SLC9A9: variants seen among roughly 807,000 people sequenced by gnomAD.
SLC9A9 encodes the protein sodium/hydrogen exchanger 9.
SLC9A9 carries 62 observed loss-of-function variants against 77.8 expected under a neutral mutation model. The ratio of observed to expected loss-of-function variants is 0.80; its 90% CI spans 0.65 to 0.98. SLC9A9 has a LOEUF of 0.98. SLC9A9 is among the 50% of genes least tolerant of loss of function. SLC9A9 has a pLI of 0.00. For synonymous variants in SLC9A9, 320 were observed against 283.5 expected (o/e 1.13, Z -1.29); for missense variants, 775 against 774.9 (o/e 1.00, Z 0.00).
At chr3:143,754,412 C>T (rs934663653) in intron 4 of SLC9A9, among the ~76,000 whole-genome samples, 1 of 152,114 alleles carries the variant, frequency 6.6e-6, no homozygotes, top group Admixed American at 6.5e-5. Flanking sequence ...TATGGTTTTC[C>T]TTTTCAAGCT....
At chr3:143,818,212 A>G (rs2009071344) in intron 2 of SLC9A9, among the ~76,000 whole-genome samples, 1 of 152,244 alleles carries the variant, frequency 6.6e-6, no homozygotes. Flanking sequence ...TGAAAATCAC[A>G]TATATTTTTT....
chr3:143,406,190 T>G (rs796225052), intron 12 of SLC9A9, among the ~76,000 whole-genome samples: 5 of 152,348 alleles, frequency 3.3e-5, no homozygotes, highest in African/African-American at 1.2e-4. Flanking sequence ...GTAGTTCTAC[T>G]TGTAAGTAAG....
chr3:143,681,440 A>G (rs1374774132), intron 5 of SLC9A9, among the ~76,000 whole-genome samples: 1 of 152,028 alleles, frequency 6.6e-6, no homozygotes, highest in Admixed American at 6.6e-5. Context: ...ATATTGTACC[A>G]CTCTCACTTT....
At position 143,848,395 on chromosome 3, in the gene SLC9A9, G is replaced by A; in HGVS notation, c.-73C>T. The A allele has an allele frequency of 6.3e-7, 1 of 1,594,602 alleles. No homozygotes were observed. The highest frequency in any genetic ancestry group is 8.6e-7 in the Non-Finnish European group (1 of 1,163,458). Reference sequence around the variant, plus strand: ...ATTTTATCAAGATTTGCCTAAGACAGTCTGACTGCCTGAGAATTTCAGAAG... The same window carrying A: ...ATTTTATCAAGATTTGCCTAAGACAATCTGACTGCCTGAGAATTTCAGAAG... On this transcript the variant is annotated 5_prime_UTR_variant, in exon 1 of 16. Coordinates refer to ENST00000316549, the MANE Select transcript of SLC9A9 (RefSeq NM_173653.4).
At position 143,281,295 on chromosome 3, in the gene SLC9A9, G is replaced by T. The variant is rs1198624528; in HGVS notation, c.1605-12315C>A. ...AGCCTTTGAGAGAAAATAAAACTTT[G>T]CTTGATGAGCCACTAAGAGTTTAGA... On this transcript the variant is annotated intron_variant, in intron 14 of 15. Transcript: ENST00000316549. 3.3e-5 allele frequency among the ~76,000 whole-genome samples: 5 copies of T among 152,234 alleles called. No individual in the cohort carries two copies. In the East Asian group the frequency reaches 9.6e-4, roughly 29 times the overall value.
intron 9 of SLC9A9, among the ~76,000 whole-genome samples, chr3:143,532,572 C>T (rs774463756): frequency 6.6e-6 from 1 of 152,016 alleles, no homozygotes; most frequent in Non-Finnish European, 1.5e-5. Flanking sequence ...TTTTGTACCA[C>T]GAATTTTTAT....
chr3:143,835,388 C>T (rs2009543302), intron 1 of SLC9A9, among the ~76,000 whole-genome samples: 1 of 152,224 alleles, frequency 6.6e-6, no homozygotes, highest in Non-Finnish European at 1.5e-5. Context: ...CCTCCTAACA[C>T]ATCTGGTTAA....
At chr3:143,606,424 C>CTA (rs1344107238) in intron 6 of SLC9A9, among the ~76,000 whole-genome samples, 1 of 74,616 alleles carries the variant, frequency 1.3e-5, no homozygotes, top group African/African-American at 5.0e-5. Flanking sequence ...CTCTCTCTCT[C>CTA]TCTCTCTCTC....
chr3:143,569,730 T>C (rs530621724), intron 8 of SLC9A9, among the ~76,000 whole-genome samples: 1 of 151,836 alleles, frequency 6.6e-6, no homozygotes, highest in East Asian at 1.9e-4. Flanking sequence ...AAACAGAACA[T>C]AGTTAAAAGG....
chr3:143,316,704 A>G (rs2031226926), intron 14 of SLC9A9, among the ~76,000 whole-genome samples: 1 of 152,148 alleles, frequency 6.6e-6, no homozygotes, highest in South Asian at 2.1e-4. Context: ...CAAAAATACA[A>G]CTCTGGGGAA....
chr3:143,479,276 G>T (rs991664505), intron 11 of SLC9A9, among the ~76,000 whole-genome samples: 1 of 152,086 alleles, frequency 6.6e-6, no homozygotes, highest in Admixed American at 6.5e-5. Context: ...TAGAGACAGG[G>T]TCTCACTCTT....
intron 4 of SLC9A9, among the ~76,000 whole-genome samples, chr3:143,733,621 A>G (rs1461721483): frequency 1.3e-5 from 2 of 152,034 alleles, no homozygotes; most frequent in Non-Finnish European, 2.9e-5. Context: ...AACTTTTCCC[A>G]TACACCCTGG....
At chr3:143,411,576 G>A (rs1054871267) in intron 12 of SLC9A9, among the ~76,000 whole-genome samples, 2 of 152,072 alleles carry the variant, frequency 1.3e-5, no homozygotes, top group Non-Finnish European at 2.9e-5. Flanking sequence ...ACAATTTGTC[G>A]ACTGAATTTA....
intron 6 of SLC9A9, among the ~76,000 whole-genome samples, chr3:143,634,147 C>CTTTTTTTTTCTTTTTTTTTTTTTTTT: frequency 6.7e-6 from 1 of 149,338 alleles, no homozygotes; most frequent in African/African-American, 2.6e-5. Context: ...ATAATCCTTT[C>CTTTTTTTTTCTTTTTTTTTTTTTTTT]TTTAAGCTTG....
At chr3:143,751,995 C>G (rs935673300) in intron 4 of SLC9A9, among the ~76,000 whole-genome samples, 5 of 152,196 alleles carry the variant, frequency 3.3e-5, no homozygotes, top group African/African-American at 9.6e-5. Context: ...AGGGAAGAAC[C>G]AGGGCTGGGA....
chr3:143,595,162 C>T (rs1303534633), intron 6 of SLC9A9, among the ~76,000 whole-genome samples: 1 of 152,186 alleles, frequency 6.6e-6, no homozygotes, highest in Non-Finnish European at 1.5e-5. Context: ...TTTCTTGTGA[C>T]TTAAGCTCAT....
chr3:143,666,641 A>G (rs2039075228), intron 5 of SLC9A9, among the ~76,000 whole-genome samples: 1 of 152,380 alleles, frequency 6.6e-6, no homozygotes, highest in East Asian at 1.9e-4. Context: ...GCAAAGTCTC[A>G]GGATACAAAA....
intron 4 of SLC9A9, among the ~76,000 whole-genome samples, chr3:143,711,417 A>G (rs973260486): frequency 6.6e-6 from 1 of 151,908 alleles, no homozygotes; most frequent in Non-Finnish European, 1.5e-5. Flanking sequence ...AATTAAAAAG[A>G]ATTTTTTTCT....
chr3:143,641,308 C>T (rs1291455248), intron 6 of SLC9A9, among the ~76,000 whole-genome samples: 1 of 151,582 alleles, frequency 6.6e-6, no homozygotes, highest in Non-Finnish European at 1.5e-5. Context: ...TTAAGGGCTA[C>T]CTACAGTGTC....
Sources: gnomAD v4.1 joint callset for allele counts (sites outside exome capture counted in the v4.1 genomes callset) on GRCh38, gnomAD v4.1.1 for gene constraint, MANE v1.5 for transcripts, NCBI Gene and HGNC (gene_info 2026-07-23, HGNC 2026-07-21) for gene names.